FRMPD3: variants seen among roughly 807,000 people sequenced by gnomAD.
FRMPD3 encodes the protein FERM and PDZ domain-containing protein 3.
In FRMPD3, 42 loss-of-function variants were observed where a neutral mutation model predicts 97.9. That is an observed-to-expected ratio of 0.43 (90% confidence interval 0.34 to 0.55). The LOEUF (loss-of-function observed/expected upper bound fraction) is 0.55. Ranked by LOEUF, FRMPD3 falls within the 20% of genes least tolerant of loss-of-function variation. The pLI is 0.03. For missense variants in FRMPD3, 1,303 were observed against 1,457.7 expected (o/e 0.89, Z 1.73); for synonymous variants, 577 against 581.1 (o/e 0.99, Z 0.10).
chrX:107,579,175 G>A (rs1357802995), intron 13 of FRMPD3, among the ~76,000 whole-genome samples: 2 of 111,895 alleles, frequency 1.8e-5, no homozygotes, highest in Non-Finnish European at 3.8e-5. Flanking sequence ...TTAGGTCCTG[G>A]TCTCTCAGAA....
intron 1 of FRMPD3, among the ~76,000 whole-genome samples, chrX:107,479,097 G>A (rs1188275564): frequency 3.6e-5 from 4 of 112,619 alleles, no homozygotes; most frequent in African/African-American, 9.7e-5. Context: ...AACCTGTTTC[G>A]TGGCCTTTAT....
intron 1 of FRMPD3, among the ~76,000 whole-genome samples, chrX:107,489,593 T>C (rs1202144788): frequency 8.9e-6 from 1 of 112,581 alleles, no homozygotes; most frequent in African/African-American, 3.2e-5. Context: ...CCAGTGATGT[T>C]GAGCATTTTT....
chrX:107,533,575 C>T, intron 4 of FRMPD3, 25 bp downstream of exon 4: 1 of 1,182,659 alleles, frequency 8.5e-7, no homozygotes, highest in Non-Finnish European at 1.1e-6. Context: ...TTGCCATCTG[C>T]CCTTCCTCCT....
intron 1 of FRMPD3, among the ~76,000 whole-genome samples, chrX:107,504,632 G>T (rs1410470672): frequency 8.9e-6 from 1 of 112,107 alleles, no homozygotes; most frequent in Non-Finnish European, 1.9e-5. Flanking sequence ...AGAAGAGCAA[G>T]CTAAAGACCT....
At chrX:107,531,956 G>T (rs974855301) in intron 3 of FRMPD3, among the ~76,000 whole-genome samples, 5 of 111,760 alleles carry the variant, frequency 4.5e-5, no homozygotes, top group Admixed American at 9.5e-5. Flanking sequence ...CATTCATTCA[G>T]TCAGTCAGTC....
intron 1 of FRMPD3, among the ~76,000 whole-genome samples, chrX:107,496,576 G>A (rs1443247464): frequency 8.9e-6 from 1 of 112,058 alleles, no homozygotes; most frequent in Non-Finnish European, 1.9e-5. Flanking sequence ...TATCACCTCT[G>A]AGTGTTAGCT....
chrX:107,459,884 TACACACACAC>T (rs67324661), intron 1 of FRMPD3, among the ~76,000 whole-genome samples: 954 of 89,828 alleles, frequency 0.011, 6 homozygotes, highest in African/African-American at 0.029. Context: ...CAAGCATACA[TACACACACAC>T]ACACACACAC....
At chrX:107,491,428 C>T (rs942055460) in intron 1 of FRMPD3, among the ~76,000 whole-genome samples, 2 of 112,060 alleles carry the variant, frequency 1.8e-5, no homozygotes, top group Non-Finnish European at 3.8e-5. Context: ...ATTCTTAGCC[C>T]TATTTTAGAG....
intron 13 of FRMPD3, among the ~76,000 whole-genome samples, chrX:107,579,424 C>T (rs1424626807): frequency 8.9e-6 from 1 of 112,324 alleles, no homozygotes; most frequent in Non-Finnish European, 1.9e-5. Flanking sequence ...TACACTTATT[C>T]ACTTAACAAA....
intron 13 of FRMPD3, among the ~76,000 whole-genome samples, chrX:107,595,050 C>T (rs192705022): frequency 9.0e-6 from 1 of 111,451 alleles, no homozygotes; most frequent in Non-Finnish European, 1.9e-5. Context: ...GGCACGGTTG[C>T]TCATGCCTGT....
rs1440271584 is a variant in FRMPD3 at position 107,603,984 on chromosome X, C to G, written c.*611C>G. On this transcript the variant is annotated 3_prime_UTR_variant, in exon 15 of 15. Coordinates refer to ENST00000683843, the MANE Select transcript of FRMPD3 (RefSeq NM_001388459.1). ...CCAACTGGCCGGCAGCCTGGTGAGC[C>G]CTCACCTCCAGGTCCAGTAGCTCCA... 9.0e-6 allele frequency: 1 copy of G among 111,090 alleles called. No homozygotes were observed. Among genetic ancestry groups the G allele is most frequent in the Non-Finnish European group, 1.9e-5 (1 of 53,031 alleles). The allele number at this position is 111,090 out of a possible 1,213,427, so 9.2% of individuals were successfully genotyped here.
At chrX:107,482,588 T>G (rs1456789352) in intron 1 of FRMPD3, among the ~76,000 whole-genome samples, 1 of 111,404 alleles carries the variant, frequency 9.0e-6, no homozygotes, top group African/African-American at 3.3e-5. Context: ...GCAGGAGGAA[T>G]AGGGGCTCTT....
chrX:107,499,807 T>G (rs1921861384), intron 1 of FRMPD3, among the ~76,000 whole-genome samples: 1 of 111,667 alleles, frequency 9.0e-6, no homozygotes, highest in South Asian at 3.8e-4. Flanking sequence ...CAATTGGTCT[T>G]AGAAAGTGTA....
In FRMPD3 at chrX:107,597,310, T is replaced by C. The variant is rs1431383573; in HGVS notation, c.1442-11T>C. 8.5e-7 allele frequency: 1 copy of C among 1,177,455 alleles called. No individual in the cohort carries two copies. Among genetic ancestry groups the C allele is most frequent in the Non-Finnish European group, 1.1e-6 (1 of 878,247 alleles). ...CCAGGGCTCATCTGTTGATTCTCTT[T>C]CTGGGTTTAGATTACATGCACAGCG... On this transcript the variant is annotated splice_polypyrimidine_tract_variant and intron_variant, in intron 13 of 14. Transcript: ENST00000683843.
intron 14 of FRMPD3, among the ~76,000 whole-genome samples, chrX:107,598,956 C>T (rs1924345139): frequency 9.0e-6 from 1 of 111,632 alleles, no homozygotes; most frequent in East Asian, 2.8e-4. Flanking sequence ...CACATATGTC[C>T]CTCCATATAC....
intron 1 of FRMPD3, among the ~76,000 whole-genome samples, chrX:107,481,227 G>C (rs926484069): frequency 6.2e-5 from 7 of 112,301 alleles, no homozygotes; most frequent in African/African-American, 2.3e-4. Context: ...GGGAAGATCT[G>C]CTCCAGCACT....
intron 1 of FRMPD3, among the ~76,000 whole-genome samples, chrX:107,478,896 G>T: frequency 9.0e-6 from 1 of 111,552 alleles, no homozygotes; most frequent in Non-Finnish European, 1.9e-5. Context: ...CTGGTTTGGG[G>T]TGGGGTGGGG....
At chrX:107,504,855 A>G (rs1397913056) in intron 1 of FRMPD3, among the ~76,000 whole-genome samples, 1 of 112,108 alleles carries the variant, frequency 8.9e-6, no homozygotes, top group East Asian at 2.8e-4. Flanking sequence ...TCAAGTGGGA[A>G]GAGGAGATTG....
chrX:107,450,562 C>CCACACACA (rs561898459), intron 1 of FRMPD3, among the ~76,000 whole-genome samples: 1,254 of 84,245 alleles, frequency 0.015, 35 homozygotes, highest in African/African-American at 0.057. Flanking sequence ...CATGCAAAGA[C>CCACACACA]CACACACACA....
Sources: allele counts gnomAD v4.1 joint callset (sites outside exome capture counted in the v4.1 genomes callset), GRCh38; gene constraint gnomAD v4.1.1; transcripts MANE v1.5; gene names NCBI Gene and HGNC (gene_info 2026-07-23, HGNC 2026-07-21).